Variants in PAX8 observed in about 807,000 individuals in gnomAD.
The protein encoded by PAX8 is paired box protein Pax-8.
In PAX8, 15 loss-of-function variants were observed where a neutral mutation model predicts 52.4. The observed-to-expected ratio is 0.29, with a 90% CI of 0.19 to 0.44. The LOEUF (loss-of-function observed/expected upper bound fraction) is 0.44. Among genes scored for constraint, PAX8 ranks in the 20% least tolerant of loss-of-function variants. The pLI is 1.00. For missense variants in PAX8, 554 were observed against 602.5 expected, an observed-to-expected ratio of 0.92 and a Z score of 0.84; for synonymous variants, 284 against 249.7, an observed-to-expected ratio of 1.14 and a Z score of -1.29.
chr2:113,256,593 A>G (rs779353727), intron 2 of PAX8, among the ~76,000 whole-genome samples: 14 of 149,524 alleles, frequency 9.4e-5, no homozygotes, highest in Non-Finnish European at 1.5e-4. Context: ...CATATTCCAT[A>G]TATGGAATAT....
At chr2:113,272,827 G>A (rs1422471290) in intron 2 of PAX8, 1 of 152,156 alleles carries the variant, frequency 6.6e-6, no homozygotes, top group African/African-American at 2.4e-5. Context: ...AGAAGATAAC[G>A]TGAGGGCATA....
intron 6 of PAX8, 45 bp from the exon 7 acceptor site, chr2:113,241,771 A>G (rs1690866808): frequency 1.2e-6 from 2 of 1,602,918 alleles, no homozygotes; most frequent in Admixed American, 1.7e-5. Flanking sequence ...GGACCTATCT[A>G]TTCATGCTCT....
intron 2 of PAX8, among the ~76,000 whole-genome samples, chr2:113,256,907 C>T (rs968971779): frequency 2.0e-5 from 3 of 152,072 alleles, no homozygotes; most frequent in Admixed American, 2.0e-4. Context: ...CAGCACCTGA[C>T]ACAGGACCTG....
intron 2 of PAX8, chr2:113,269,100 G>A (rs1032030821): frequency 1.3e-5 from 2 of 152,294 alleles, no homozygotes; most frequent in Non-Finnish European, 2.9e-5. Context: ...GGCCTACAGA[G>A]GGGAAAGTTT....
chr2:113,221,578 A>C (rs1689275189), intron 10 of PAX8, among the ~76,000 whole-genome samples: 1 of 152,250 alleles, frequency 6.6e-6, no homozygotes, highest in Non-Finnish European at 1.5e-5. Flanking sequence ...ATTAAATGAC[A>C]AAATATGTAT....
Position 113,277,069 on chromosome 2 carries a change from C to G in PAX8, c.25+1301G>C, listed in dbSNP as rs146794518. Among the ~76,000 whole-genome samples the G allele has an allele frequency of 2.5e-3, 380 of 152,342 alleles. 1 individual carries two copies. Among genetic ancestry groups the G allele is most frequent in the South Asian group, 8.5e-3 (41 of 4,826 alleles). On this transcript the variant is annotated intron_variant, in intron 2 of 11. Coordinates refer to ENST00000429538, the MANE Select transcript of PAX8 (RefSeq NM_003466.4). ...TAAAGAGGTGCCAGGGAGCTCTGCTCGGTCCCAGGGCTCCCCAACCCCGCC... is the reference window on the plus strand; with the variant it reads ...TAAAGAGGTGCCAGGGAGCTCTGCTGGGTCCCAGGGCTCCCCAACCCCGCC...
intron 2 of PAX8, 132 bp from the exon 3 acceptor site, chr2:113,247,051 T>C: frequency 2.4e-6 from 2 of 850,546 alleles, no homozygotes; most frequent in South Asian, 2.9e-5. Flanking sequence ...GGCCAGGCCC[T>C]GTGGGCCCCT....
At chr2:113,262,820 G>A (rs906242097) in intron 2 of PAX8, among the ~76,000 whole-genome samples, 18 of 152,190 alleles carry the variant, frequency 1.2e-4, no homozygotes, top group African/African-American at 4.3e-4. Context: ...GCACAGAACA[G>A]ATTCTCCTCC....
Position 113,235,513 on chromosome 2 carries a change from G to C in PAX8, c.968C>G (p.Ser323Cys), listed in dbSNP as rs956274948. 1 of 1,613,878 alleles carries C rather than the reference G, an allele frequency of 6.2e-7. No individual in the cohort carries two copies. Among genetic ancestry groups the C allele is most frequent in the South Asian group, 1.1e-5 (1 of 91,076 alleles). ...EVSSSSSTPS[S>C]LSSSAFLDLQ... ...ATCCAAAAAGGCGGAGCTAGATAAA[G>C]AGGAAGGGGTGGAGCTAGAACTGGA... Residue 323 changes from serine (S) to cysteine (C), a missense_variant, in exon 9 of 12, where the codon TCT becomes TGT. By Grantham distance (112) the Ser-to-Cys change is moderately radical (BLOSUM62 -1). Transcript: ENST00000429538.
At position 113,246,940 on chromosome 2, in the gene PAX8, G is replaced by A. The variant is rs1295410362; in HGVS notation, c.26-21C>T. The A allele has an allele frequency of 4.4e-6, 7 of 1,608,612 alleles. No homozygotes were observed. The East Asian group carries it at 1.3e-4, about 31-fold the overall frequency. On this transcript the variant is annotated intron_variant, in intron 2 of 11. Transcript: ENST00000429538. Reference sequence around the variant, plus strand: ...ATGGCCTAAGGAGACAATATTCCCAGGGACAGCTGTCAGGGTCAGGTAGGA... The same window carrying A: ...ATGGCCTAAGGAGACAATATTCCCAAGGACAGCTGTCAGGGTCAGGTAGGA...
rs1028607843 is a variant in PAX8 at position 113,246,850 on chromosome 2, T to C, written c.95A>G (p.Gln32Arg). 7 of 1,614,116 alleles carry C rather than the reference T, an allele frequency of 4.3e-6. No individual in the cohort carries two copies. Among genetic ancestry groups the C allele is most frequent in the Admixed American group, 1.7e-5 (1 of 60,016 alleles). Residue 32 changes from glutamine to arginine, a missense_variant, in exon 3 of 12, where the codon CAG (glutamine) becomes CGG (arginine). Coordinates refer to ENST00000429538, the MANE Select transcript of PAX8 (RefSeq NM_003466.4). ...CTGGTGGGCCAGGTCTACGATGCGC[T>C]GGCGGACCACTTCCGGCAGAGGTCT... Reference protein sequence around the residue: ...NGRPLPEVVRQRIVDLAHQGV... With the variant: ...NGRPLPEVVRRRIVDLAHQGV...
intron 10 of PAX8, among the ~76,000 whole-genome samples, chr2:113,224,710 T>C (rs972938137): frequency 5.3e-5 from 8 of 151,838 alleles, no homozygotes; most frequent in Admixed American, 3.3e-4. Flanking sequence ...GATAGATGAC[T>C]GGATGGATCC....
chr2:113,234,289 C>T (rs1690106284), intron 9 of PAX8, among the ~76,000 whole-genome samples: 1 of 152,262 alleles, frequency 6.6e-6, no homozygotes. Flanking sequence ...GACTCTCAGC[C>T]ATTCCTCAGG....
At chr2:113,253,707 G>C (rs1691969614) in intron 2 of PAX8, among the ~76,000 whole-genome samples, 3 of 152,130 alleles carry the variant, frequency 2.0e-5, no homozygotes, top group African/African-American at 7.2e-5. Context: ...TGCAGAGTAG[G>C]TTCAGGCTTC....
At chr2:113,273,153 A>G (rs1416556356) in intron 2 of PAX8, 2 of 152,276 alleles carry the variant, frequency 1.3e-5, no homozygotes, top group Non-Finnish European at 2.9e-5. Context: ...CTGAAGACAG[A>G]CCAACTGTGG....
In PAX8 at chr2:113,252,119, G is replaced by A. The variant is rs542154301; in HGVS notation, c.26-5200C>T. Among the ~76,000 whole-genome samples, 179 of 152,202 alleles carry A rather than the reference G, an allele frequency of 1.2e-3. 1 individual carries two copies. Among genetic ancestry groups the A allele is most frequent in the Non-Finnish European group, 2.1e-3 (140 of 68,032 alleles). On this transcript the variant is annotated intron_variant, in intron 2 of 11. Transcript: ENST00000429538. ...AGTCCTAAAGTGGCAATGGCTCAAT[G>A]TGGTGTTCTGCAAAAATTTCCACTT...
In PAX8 at chr2:113,278,863, G is replaced by A; in HGVS notation, c.-108C>T. On this transcript the variant is annotated 5_prime_UTR_variant, in exon 1 of 12. Transcript: ENST00000429538. ...GCCGGCTGCAGGCCCTCACTGCTTGGGTCCGCCCGCGAGGGTGCCCTGGGC... is the reference window on the plus strand; with the variant it reads ...GCCGGCTGCAGGCCCTCACTGCTTGAGTCCGCCCGCGAGGGTGCCCTGGGC... The A allele has an allele frequency of 1.9e-6, 2 of 1,061,436 alleles. No individual in the cohort carries two copies. Among genetic ancestry groups the A allele is most frequent in the Non-Finnish European group, 2.3e-6 (2 of 876,084 alleles). The allele number at this position is 1,061,436 out of a possible 1,614,324, so 65.8% of individuals were successfully genotyped here. A position where few individuals can be genotyped will look rare whatever the true frequency, so the allele number is the denominator to read the frequency against.
At chr2:113,274,577 A>G (rs1396070840) in intron 2 of PAX8, 1 of 150,892 alleles carries the variant, frequency 6.6e-6, no homozygotes, top group African/African-American at 2.4e-5. Context: ...TTATTCTTTC[A>G]CTCCTTTCTC....
intron 2 of PAX8, among the ~76,000 whole-genome samples, chr2:113,277,619 C>T (rs956056510): frequency 1.3e-5 from 2 of 152,216 alleles, no homozygotes; most frequent in Non-Finnish European, 2.9e-5. Context: ...ACGGCTGCGC[C>T]CACCAGCCCT....
Sources: gnomAD v4.1 joint callset for allele counts (sites outside exome capture counted in the v4.1 genomes callset) on GRCh38, gnomAD v4.1.1 for gene constraint, MANE v1.5 for transcripts, NCBI Gene and HGNC (gene_info 2026-07-23, HGNC 2026-07-21) for gene names.